MCTP1: variants seen among roughly 807,000 people sequenced by gnomAD.
MCTP1 encodes multiple C2 and transmembrane domain containing 1.
A neutral mutation model predicts 120.6 loss-of-function variants in MCTP1; 69 were observed. The ratio of observed to expected loss-of-function variants is 0.57; its 90% confidence interval spans 0.47 to 0.70. The LOEUF (loss-of-function observed/expected upper bound fraction) is 0.70. Among genes scored for constraint, MCTP1 ranks in the 30% least tolerant of loss-of-function variants. The pLI, the probability that MCTP1 is intolerant of heterozygous loss-of-function variation, is 0.00. For synonymous variants in MCTP1, 529 were observed against 493.1 expected (o/e 1.07, Z -0.96); for missense variants, 1,203 against 1,248.8 (o/e 0.96, Z 0.55).
At chr5:95,115,551 G>T (rs184682534) in intron 1 of MCTP1, among the ~76,000 whole-genome samples, 29 of 152,074 alleles carry the variant, frequency 1.9e-4, no homozygotes, top group Admixed American at 1.8e-3. Flanking sequence ...AAGAATAAAT[G>T]AGTTTGCTGA....
At chr5:94,813,121 T>C (rs1318000671) in intron 17 of MCTP1, among the ~76,000 whole-genome samples, 1 of 152,124 alleles carries the variant, frequency 6.6e-6, no homozygotes, top group Non-Finnish European at 1.5e-5. Context: ...GAGTACTTAA[T>C]ACGAAGACAA....
rs1561776422 is a variant in MCTP1 at position 94,868,470 on chromosome 5, A to G, written c.2317-18T>C. On this transcript the variant is annotated intron_variant, in intron 16 of 22. Coordinates refer to ENST00000515393, the MANE Select transcript of MCTP1 (RefSeq NM_024717.7). Reference sequence around the variant, plus strand: ...AGTAGCAGCTGTAAGGAAAATGAAAATATTATTATAATTTGCAAGACTAAA... The same window carrying G: ...AGTAGCAGCTGTAAGGAAAATGAAAGTATTATTATAATTTGCAAGACTAAA... 7.0e-6 allele frequency: 11 copies of G among 1,561,966 alleles called. 1 individual carries two copies. The South Asian group carries it at 1.2e-4, about 17-fold the overall frequency.
intron 2 of MCTP1, among the ~76,000 whole-genome samples, chr5:94,986,436 C>T (rs1301759331): frequency 6.6e-6 from 1 of 152,184 alleles, no homozygotes; most frequent in Non-Finnish European, 1.5e-5. Context: ...GAATGTACTA[C>T]AAGGACTTTG....
chr5:95,213,777 T>C (rs1752692310), intron 1 of MCTP1, among the ~76,000 whole-genome samples: 2 of 152,356 alleles, frequency 1.3e-5, no homozygotes, highest in South Asian at 2.1e-4. Context: ...GATTCCCTAT[T>C]TAATAAATGG....
At chr5:95,088,226 A>T (rs1371299060) in intron 1 of MCTP1, among the ~76,000 whole-genome samples, 2 of 152,208 alleles carry the variant, frequency 1.3e-5, no homozygotes, top group Non-Finnish European at 2.9e-5. Context: ...ACACAAGGCC[A>T]ACCTGCAAGG....
chr5:94,832,609 A>AACACACAC (rs59233492), intron 17 of MCTP1, among the ~76,000 whole-genome samples: 380 of 147,228 alleles, frequency 2.6e-3, no homozygotes, highest in African/African-American at 7.6e-3. Flanking sequence ...GGGCTAGCTG[A>AACACACAC]ACACACACAC....
chr5:94,986,855 T>C (rs1024696860), intron 2 of MCTP1, among the ~76,000 whole-genome samples: 14 of 152,114 alleles, frequency 9.2e-5, no homozygotes, highest in African/African-American at 3.4e-4. Flanking sequence ...GGTTAACATG[T>C]CCAGTCCTCC....
chr5:94,742,245 C>A (rs182059466), intron 19 of MCTP1, among the ~76,000 whole-genome samples: 3 of 151,932 alleles, frequency 2.0e-5, no homozygotes, highest in Non-Finnish European at 4.4e-5. Context: ...TATAGAGATG[C>A]GGTTTTGCCA....
chr5:95,270,745 C>T (rs552921168), intron 1 of MCTP1, among the ~76,000 whole-genome samples: 28 of 152,248 alleles, frequency 1.8e-4, no homozygotes, highest in African/African-American at 4.8e-4. Context: ...ACCTGGCCAA[C>T]ATGGTGAAAC....
chr5:95,127,102 G>T (rs770707936), intron 1 of MCTP1, among the ~76,000 whole-genome samples: 2 of 152,074 alleles, frequency 1.3e-5, no homozygotes, highest in Non-Finnish European at 2.9e-5. Context: ...CAGAAATATA[G>T]CAGGCAAATT....
intron 1 of MCTP1, among the ~76,000 whole-genome samples, chr5:95,208,533 A>G (rs562483079): frequency 6.6e-6 from 1 of 152,274 alleles, no homozygotes; most frequent in South Asian, 2.1e-4. Flanking sequence ...TAAGAGGTAA[A>G]TATATTATTT....
intron 1 of MCTP1, among the ~76,000 whole-genome samples, chr5:95,154,515 G>A (rs1562188554): frequency 6.6e-6 from 1 of 152,170 alleles, no homozygotes; most frequent in Admixed American, 6.6e-5. Context: ...GAGCAAGAGA[G>A]CTGCCTCCAC....
intron 1 of MCTP1, among the ~76,000 whole-genome samples, chr5:95,178,933 C>A (rs1191048043): frequency 2.6e-5 from 4 of 151,960 alleles, no homozygotes; most frequent in Admixed American, 2.0e-4. Context: ...AAACATGATA[C>A]ACGATATGAG....
chr5:95,095,059 T>C (rs1268365483), intron 1 of MCTP1, among the ~76,000 whole-genome samples: 1 of 121,320 alleles, frequency 8.2e-6, no homozygotes, highest in African/African-American at 3.2e-5. Flanking sequence ...AGTCTCGCTC[T>C]GTCGCCCAGG....
chr5:95,166,627 G>T (rs150046668), intron 1 of MCTP1, among the ~76,000 whole-genome samples: 1,647 of 148,898 alleles, frequency 0.011, 28 homozygotes, highest in African/African-American at 0.038. Context: ...GGGTGCAGTG[G>T]CACGATCTCG....
chr5:95,001,013 G>A (rs535142278), intron 2 of MCTP1, among the ~76,000 whole-genome samples: 34 of 152,256 alleles, frequency 2.2e-4, no homozygotes, highest in African/African-American at 6.3e-4. Context: ...GAATCATGTC[G>A]GCAGTTTCCT....
intron 19 of MCTP1, among the ~76,000 whole-genome samples, chr5:94,729,902 G>A (rs186949270): frequency 6.6e-6 from 1 of 152,264 alleles, no homozygotes; most frequent in Non-Finnish European, 1.5e-5. Flanking sequence ...TTGTTTACTT[G>A]TTTTGTTACT....
At position 94,714,806 on chromosome 5, in the gene MCTP1, T is replaced by C. The variant is rs765262444; in HGVS notation, c.2691A>G (p.Glu897=). Residue 897 remains glutamate, a synonymous_variant, in exon 20 of 23, where the codon GAA becomes GAG. Transcript: ENST00000515393. ...VCVSVQNILD[E]VASFGERIKN... The stretch of plus-strand genomic sequence containing the variant: ...TTATCCTTTCGCCAAAGGAAGCCAC[T>C]TCATCTAGGATGTTCTGGACACTGA... 1.9e-6 allele frequency: 3 copies of C among 1,610,726 alleles called. No individual in the cohort carries two copies. Among genetic ancestry groups the C allele is most frequent in the South Asian group, 2.2e-5 (2 of 90,982 alleles).
In MCTP1 at chr5:94,869,963, C is replaced by A. The variant is rs531207239; in HGVS notation, c.2316+454G>T. Among the ~76,000 whole-genome samples the A allele has an allele frequency of 1.9e-4, 29 of 152,178 alleles. No individual in the cohort carries two copies. The South Asian group carries it at 6.0e-3, about 32-fold the overall frequency. Reference sequence around the variant, plus strand: ...TCCCTTAGAAGATGGAGCCTCCTCGCATCTGGATTAGAGGGAAGAGCTTAT... The same window carrying A: ...TCCCTTAGAAGATGGAGCCTCCTCGAATCTGGATTAGAGGGAAGAGCTTAT... On this transcript the variant is annotated intron_variant, in intron 16 of 22. Transcript: ENST00000515393.
Sources: gnomAD v4.1 joint callset for allele counts (sites outside exome capture counted in the v4.1 genomes callset) on GRCh38, gnomAD v4.1.1 for gene constraint, MANE v1.5 for transcripts, NCBI Gene and HGNC (gene_info 2026-07-23, HGNC 2026-07-21) for gene names.